PDIA6: variants seen among roughly 807,000 people sequenced by gnomAD.
PDIA6 encodes protein disulfide-isomerase A6.
Under a neutral mutation model 58.4 loss-of-function variants are expected in PDIA6, and 29 were observed. The ratio of observed to expected loss-of-function variants is 0.50; its 90% CI spans 0.37 to 0.68. The LOEUF (loss-of-function observed/expected upper bound fraction) is 0.68, where lower values mean the gene tolerates loss of function less well. PDIA6 is among the 30% of genes least tolerant of loss of function. The pLI is 0.00. For synonymous variants in PDIA6, 192 were observed against 202.6 expected (o/e 0.95, Z 0.44); for missense variants, 480 against 551.0 (o/e 0.87, Z 1.29).
chr2:10,817,147 T>C (rs1415364782), upstream of PDIA6, among the ~76,000 whole-genome samples: 3 of 152,144 alleles, frequency 2.0e-5, no homozygotes, highest in Non-Finnish European at 4.4e-5. Flanking sequence ...TCAGGAAGCT[T>C]GTATGGTTTT....
chr2:10,816,875 C>T (rs1225677914), upstream of PDIA6, among the ~76,000 whole-genome samples: 2 of 152,072 alleles, frequency 1.3e-5, no homozygotes, highest in African/African-American at 2.4e-5. Flanking sequence ...ATGTGGCCTG[C>T]CCAAGACCCA....
chr2:10,821,047 A>C (rs1214667946), intron 1 of PDIA6: 1 of 533,200 alleles, frequency 1.9e-6, no homozygotes, highest in Non-Finnish European at 3.4e-6. Context: ...GGAGATGGCC[A>C]CAGAATTTTC....
At chr2:10,798,047 G>A (rs1309191535) in intron 2 of PDIA6, among the ~76,000 whole-genome samples, 1 of 151,838 alleles carries the variant, frequency 6.6e-6, no homozygotes, top group Admixed American at 6.6e-5. Context: ...TTAGCCAGGC[G>A]TGGTGGTGCA....
chr2:10,814,010 C>T (rs1350014384), upstream of PDIA6, among the ~76,000 whole-genome samples: 1 of 151,988 alleles, frequency 6.6e-6, no homozygotes, highest in African/African-American at 2.4e-5. Flanking sequence ...CAGTTGTGAG[C>T]CACCACGCCC....
Position 10,798,091 on chromosome 2 carries a change from C to A in PDIA6, c.162-334G>T, listed in dbSNP as rs564737966. Reference sequence around the variant, plus strand: ...ATCCTAGCTACTGGGGAGGCTGAGGCACAAGAATCACGTGAACCCAGGAGG... The same window carrying A: ...ATCCTAGCTACTGGGGAGGCTGAGGAACAAGAATCACGTGAACCCAGGAGG... On this transcript the variant is annotated intron_variant, in intron 2 of 12. Coordinates refer to ENST00000272227, the MANE Select transcript of PDIA6 (RefSeq NM_005742.4). Among the ~76,000 whole-genome samples the A allele has an allele frequency of 3.3e-5, 5 of 151,354 alleles. No homozygotes were observed. The South Asian group carries it at 1.0e-3, about 32-fold the overall frequency.
intron 1 of PDIA6, among the ~76,000 whole-genome samples, chr2:10,824,280 C>T (rs1330006849): frequency 6.6e-6 from 1 of 152,128 alleles, no homozygotes; most frequent in Non-Finnish European, 1.5e-5. Flanking sequence ...AGCTGCTGTG[C>T]CCAAGGTTAT....
At position 10,791,874 on chromosome 2, in the gene PDIA6, T is replaced by C. The variant is rs760900622; in HGVS notation, c.505A>G (p.Ser169Gly). The change falls in exon 6 of 13, where the codon AGC becomes GGC. Residue 169 changes from serine (S) to glycine (G), a missense_variant. Transcript: ENST00000272227. ...CTGTCCAGAACATTCTTATCAAAGC[T>C]GTCGTCTGTCAGCTCAATCACATCC... ...KKDVIELTDD[S>G]FDKNVLDSED... The C allele has an allele frequency of 2.5e-6, 4 of 1,614,150 alleles. No individual in the cohort carries two copies. The Admixed American group carries it at 6.7e-5, about 27-fold the overall frequency.
At chr2:10,824,519 A>T (rs963914486) in intron 1 of PDIA6, among the ~76,000 whole-genome samples, 3 of 152,256 alleles carry the variant, frequency 2.0e-5, no homozygotes, top group Non-Finnish European at 4.4e-5. Context: ...ACATGGCCAC[A>T]GTGATTGTTC....
At chr2:10,816,854 G>C (rs1332264643), upstream of PDIA6, among the ~76,000 whole-genome samples, 1 of 152,118 alleles carries the variant, frequency 6.6e-6, no homozygotes, top group Non-Finnish European at 1.5e-5. Context: ...GATGGGCAAG[G>C]GAGAGATGTC....
chr2:10,834,536 G>A (rs78432677), upstream of PDIA6, among the ~76,000 whole-genome samples: 5,830 of 152,156 alleles, frequency 0.038, 118 homozygotes, highest in African/African-American at 0.055. Flanking sequence ...GGACTGACAG[G>A]GTGCTTAGTA....
chr2:10,789,852 C>A lies in PDIA6; in HGVS notation c.737G>T (p.Gly246Val). 1 of 1,613,586 alleles carries A rather than the reference C, an allele frequency of 6.2e-7. No homozygotes were observed. Among genetic ancestry groups the A allele is most frequent in the Non-Finnish European group, 8.5e-7 (1 of 1,179,734 alleles). ...GFPTIKIFQK[G>V]ESPVDYDGGR... ...ACCGTCATAATCCACAGGAGACTCG[C>A]CTTTCTGAAATATCTTGATTGTAGG... is the stretch of plus-strand genomic sequence containing the variant. Residue 246 changes from glycine (G) to valine (V), a missense_variant, in exon 8 of 13, where the codon GGC becomes GTC. Gly to Val is a moderately radical substitution (Grantham distance 109, BLOSUM62 -3). Coordinates refer to ENST00000272227, the MANE Select transcript of PDIA6 (RefSeq NM_005742.4).
chr2:10,829,951 C>T (rs746748492), intron 1 of PDIA6, among the ~76,000 whole-genome samples: 22 of 152,322 alleles, frequency 1.4e-4, no homozygotes, highest in Admixed American at 5.2e-4. Flanking sequence ...TCTGTGCTCC[C>T]GCCATGCCCA....
chr2:10,795,802 GA>G (rs1276853254), intron 4 of PDIA6, among the ~76,000 whole-genome samples: 1 of 152,058 alleles, frequency 6.6e-6, no homozygotes. Flanking sequence ...GCAAGTCACC[GA>G]TGACAGACAA....
intron 2 of PDIA6, among the ~76,000 whole-genome samples, chr2:10,818,941 A>C (rs2148574131): frequency 6.6e-6 from 1 of 152,198 alleles, no homozygotes; most frequent in African/African-American, 2.4e-5. Flanking sequence ...TTAAATGCCA[A>C]ATCCTCATTC....
At chr2:10,795,774 T>C (rs970827131) in intron 4 of PDIA6, among the ~76,000 whole-genome samples, 2 of 152,012 alleles carry the variant, frequency 1.3e-5, no homozygotes, top group South Asian at 4.1e-4. Flanking sequence ...TTCCCTGCCT[T>C]CTATTAGCTG....
chr2:10,785,993 C>T (rs1287775109), intron 11 of PDIA6, among the ~76,000 whole-genome samples: 2 of 151,900 alleles, frequency 1.3e-5, no homozygotes, highest in Non-Finnish European at 2.9e-5. Context: ...GAATTACAGG[C>T]GTGAGCCACC....
intron 1 of PDIA6, among the ~76,000 whole-genome samples, chr2:10,803,064 A>G (rs1378477160): frequency 6.6e-6 from 1 of 152,240 alleles, no homozygotes. Flanking sequence ...AGTTGCAATT[A>G]TTAGCACATT....
chr2:10,793,225 G>GGCA, intron 4 of PDIA6, 23 bp from the exon 5 acceptor site: 10 of 1,480,576 alleles, frequency 6.8e-6, no homozygotes, highest in Non-Finnish European at 9.4e-6. Flanking sequence ...GAAGGTAGGC[G>GGCA]GTCCTCAGCC....
rs547410369 is a variant in PDIA6, at chr2:10,822,982, A to G, written c.-47-3628T>C. On this transcript the variant is annotated intron_variant, in intron 1 of 13. Coordinates refer to the PDIA6 transcript ENST00000381611. The stretch of plus-strand genomic sequence containing the variant: ...GACAGTTTTTCTGTGCTGTATCCCC[A>G]TGGCTTATCTGGGGCCAATCTTAGA... 8.6e-4 allele frequency: 131 copies of G among 152,304 alleles called. 1 individual carries two copies. Among genetic ancestry groups the G allele is most frequent in the African/African-American group, 3.1e-3 (128 of 41,566 alleles). 9.4% of individuals were successfully genotyped at this position (152,304 alleles called of 1,614,324 possible).
Sources: allele counts gnomAD v4.1 joint callset (sites outside exome capture counted in the v4.1 genomes callset), GRCh38; gene constraint gnomAD v4.1.1; transcripts MANE v1.5; gene names NCBI Gene and HGNC (gene_info 2026-07-23, HGNC 2026-07-21).